Variants in DCC observed in about 807,000 individuals in gnomAD.
DCC encodes the protein netrin receptor DCC.
A neutral mutation model predicts 172.5 loss-of-function variants in DCC; 58 were observed. The observed-to-expected ratio is 0.34, with a 90% CI of 0.27 to 0.42. The LOEUF (loss-of-function observed/expected upper bound fraction) is 0.42. DCC is among the 10% of genes least tolerant of loss of function. The pLI, the probability that DCC is intolerant of heterozygous loss-of-function variation, is 1.00. For missense variants in DCC, 1,740 were observed against 1,791.0 expected (o/e 0.97, Z 0.51); for synonymous variants, 709 against 644.5 (o/e 1.10, Z -1.52).
chr18:53,047,404 A>G lies in DCC; in HGVS notation c.986-15901A>G, dbSNP rs1472986997. The stretch of plus-strand genomic sequence containing the variant: ...TTATATATTATATAAAATATGTTAT[A>G]TATTTTATGTATTATATATTTTACA... On this transcript the variant is annotated intron_variant, in intron 5 of 28. Transcript: ENST00000442544. Among the ~76,000 whole-genome samples the G allele has an allele frequency of 2.6e-5, 3 of 116,382 alleles. No individual in the cohort carries two copies. The East Asian group carries it at 7.8e-4, about 30-fold the overall frequency. The allele number at this position is 116,382 out of a possible 152,430, so 76.4% of individuals were successfully genotyped here.
chr18:52,753,898 CT>C (rs199942761), intron 2 of DCC, among the ~76,000 whole-genome samples: 8 of 151,484 alleles, frequency 5.3e-5, no homozygotes, highest in East Asian at 1.9e-4. Flanking sequence ...CAAAACCTGT[CT>C]TTTTTTTTAA....
At chr18:52,963,993 A>C (rs751097843) in intron 5 of DCC, among the ~76,000 whole-genome samples, 5 of 152,282 alleles carry the variant, frequency 3.3e-5, no homozygotes, top group African/African-American at 4.8e-5. Context: ...ACCTCAAAAC[A>C]TGCATATTAC....
chr18:52,465,294 G>A (rs1988753728), intron 1 of DCC, among the ~76,000 whole-genome samples: 1 of 152,160 alleles, frequency 6.6e-6, no homozygotes, highest in Admixed American at 6.5e-5. Context: ...TGAGGTGGAG[G>A]TTACCAAAGA....
At chr18:53,524,559 T>C (rs2046434234) in intron 27 of DCC, among the ~76,000 whole-genome samples, 1 of 152,144 alleles carries the variant, frequency 6.6e-6, no homozygotes, top group Non-Finnish European at 1.5e-5. Flanking sequence ...TTTATGTTTG[T>C]ATATATTTTA....
At chr18:52,364,935 G>T (rs1287014494) in intron 1 of DCC, among the ~76,000 whole-genome samples, 1 of 152,044 alleles carries the variant, frequency 6.6e-6, no homozygotes. Context: ...CTTACATTGG[G>T]GGACTTATGC....
At chr18:53,441,183 A>AT (rs894181881) in intron 22 of DCC, among the ~76,000 whole-genome samples, 7 of 152,178 alleles carry the variant, frequency 4.6e-5, no homozygotes, top group African/African-American at 1.7e-4. Flanking sequence ...TCCAAGGTAC[A>AT]TGGGTCCTCT....
chr18:52,527,098 G>A (rs2032005564), intron 1 of DCC, among the ~76,000 whole-genome samples: 1 of 152,074 alleles, frequency 6.6e-6, no homozygotes. Flanking sequence ...GCTTTTACTG[G>A]GTTCCATCTA....
At chr18:52,651,992 C>T (rs867767906) in intron 1 of DCC, among the ~76,000 whole-genome samples, 12 of 152,128 alleles carry the variant, frequency 7.9e-5, no homozygotes, top group African/African-American at 2.9e-4. Flanking sequence ...TATCAGCAAA[C>T]CAGGTTGGAA....
At chr18:53,313,488 C>T (rs917163888) in intron 13 of DCC, among the ~76,000 whole-genome samples, 1 of 152,086 alleles carries the variant, frequency 6.6e-6, no homozygotes, top group African/African-American at 2.4e-5. Flanking sequence ...TCAAGTGATT[C>T]GCCTGCCTCG....
At chr18:53,256,155 C>A (rs1024187598) in intron 12 of DCC, among the ~76,000 whole-genome samples, 1 of 152,024 alleles carries the variant, frequency 6.6e-6, no homozygotes, top group Non-Finnish European at 1.5e-5. Flanking sequence ...TTCTTCCATT[C>A]TGTAGGTTGC....
intron 1 of DCC, among the ~76,000 whole-genome samples, chr18:52,466,158 C>G (rs572466162): frequency 3.3e-5 from 5 of 152,240 alleles, no homozygotes; most frequent in African/African-American, 7.2e-5. Context: ...TTGCAAGTCT[C>G]TCAGCTCCAA....
intron 1 of DCC, among the ~76,000 whole-genome samples, chr18:52,520,532 G>C (rs1428830778): frequency 6.6e-6 from 1 of 152,090 alleles, no homozygotes; most frequent in African/African-American, 2.4e-5. Flanking sequence ...TGTGGATAAT[G>C]GTCCTAAAGA....
At chr18:53,011,079 C>A (rs1313687845) in intron 5 of DCC, among the ~76,000 whole-genome samples, 1 of 151,286 alleles carries the variant, frequency 6.6e-6, no homozygotes, top group Non-Finnish European at 1.5e-5. Flanking sequence ...GCTGATGAAG[C>A]TACTCTTTAA....
chr18:53,387,672 G>C (rs1264076496), intron 16 of DCC, among the ~76,000 whole-genome samples: 4 of 152,182 alleles, frequency 2.6e-5, no homozygotes, highest in African/African-American at 9.7e-5. Context: ...AAGATTCTTT[G>C]TGAGCAAACA....
chr18:52,997,161 G>A (rs1343006489), intron 5 of DCC, among the ~76,000 whole-genome samples: 1 of 152,068 alleles, frequency 6.6e-6, no homozygotes, highest in African/African-American at 2.4e-5. Flanking sequence ...GGAAGGTACA[G>A]GCCACATCTG....
At chr18:52,928,684 G>A (rs557115000) in intron 5 of DCC, among the ~76,000 whole-genome samples, 2 of 152,136 alleles carry the variant, frequency 1.3e-5, no homozygotes, top group African/African-American at 4.8e-5. Flanking sequence ...TGGGAAGTAC[G>A]TAGGTCGAGC....
chr18:53,194,180 C>G (rs1346371509), intron 9 of DCC, among the ~76,000 whole-genome samples: 2 of 152,138 alleles, frequency 1.3e-5, no homozygotes, highest in Non-Finnish European at 2.9e-5. Context: ...GAAATACAAT[C>G]TTGAGATATA....
At chr18:52,737,162 A>C (rs149829030) in intron 1 of DCC, among the ~76,000 whole-genome samples, 3 of 152,068 alleles carry the variant, frequency 2.0e-5, no homozygotes, top group Non-Finnish European at 4.4e-5. Context: ...TTTTTTTTAT[A>C]TTAGAGACGA....
At chr18:52,887,639 G>T (rs530846278) in intron 2 of DCC, among the ~76,000 whole-genome samples, 2 of 152,190 alleles carry the variant, frequency 1.3e-5, no homozygotes, top group East Asian at 3.9e-4. Flanking sequence ...TACAATCCCT[G>T]TGGATACCAG....
Sources: gnomAD v4.1 joint callset for allele counts (sites outside exome capture counted in the v4.1 genomes callset) on GRCh38, gnomAD v4.1.1 for gene constraint, MANE v1.5 for transcripts, NCBI Gene and HGNC (gene_info 2026-07-23, HGNC 2026-07-21) for gene names.